EPB41L4B: variants seen among roughly 807,000 people sequenced by gnomAD.
The protein encoded by EPB41L4B is band 4.1-like protein 4B.
A neutral mutation model predicts 112.5 loss-of-function variants in EPB41L4B; 30 were observed. The observed-to-expected ratio is 0.27, with a 90% CI of 0.20 to 0.36. The LOEUF (loss-of-function observed/expected upper bound fraction) is 0.36, where lower values mean the gene tolerates loss of function less well. Ranked by LOEUF, EPB41L4B falls within the 10% of genes least tolerant of loss-of-function variation. EPB41L4B has a pLI of 1.00. For synonymous variants in EPB41L4B, 408 were observed against 439.7 expected (o/e 0.93, Z 0.90); for missense variants, 1,024 against 1,133.3 (o/e 0.90, Z 1.38).
At chr9:109,290,737 A>G (rs1313415351) in intron 1 of EPB41L4B, among the ~76,000 whole-genome samples, 1 of 149,568 alleles carries the variant, frequency 6.7e-6, no homozygotes, top group Non-Finnish European at 1.5e-5. Context: ...ATACACACAC[A>G]CACATACATA....
At chr9:109,203,133 A>T (rs1258928228) in intron 19 of EPB41L4B, among the ~76,000 whole-genome samples, 2 of 152,346 alleles carry the variant, frequency 1.3e-5, no homozygotes, top group East Asian at 3.9e-4. Context: ...CAGCCTGGGC[A>T]ACAGAGGAAG....
At chr9:109,304,404 G>T (rs1017390480) in intron 1 of EPB41L4B, among the ~76,000 whole-genome samples, 3 of 152,104 alleles carry the variant, frequency 2.0e-5, no homozygotes, top group African/African-American at 4.8e-5. Flanking sequence ...AGCTTTAAGC[G>T]CACAATCAAC....
chr9:109,230,460 C>A (rs1833915478), intron 15 of EPB41L4B, among the ~76,000 whole-genome samples: 1 of 152,294 alleles, frequency 6.6e-6, no homozygotes, highest in East Asian at 1.9e-4. Context: ...GGACATTAAG[C>A]ATTCGTATGC....
Position 109,213,787 on chromosome 9 carries a change from A to T in EPB41L4B, c.1665T>A (p.Ser555Arg). 3.1e-6 allele frequency: 5 copies of T among 1,614,180 alleles called. No homozygotes were observed. Among genetic ancestry groups the T allele is most frequent in the Non-Finnish European group, 4.2e-6 (5 of 1,180,020 alleles). ...KLSPGTPALF[S>R]EAAAHLKKLE... ...GCTTCTTTAGATGGGCAGCGGCTTC[A>T]CTGAACAAGGCAGGTGTTCCTGGAC... Residue 555 changes from serine to arginine, a missense_variant, in exon 17 of 26, where the codon AGT becomes AGA. Transcript: ENST00000374566.
At chr9:109,268,269 A>AG in intron 3 of EPB41L4B, 122 bp downstream of exon 3, 1 of 879,136 alleles carries the variant, frequency 1.1e-6, no homozygotes, top group Non-Finnish European at 1.8e-6. Context: ...CATCCACTTA[A>AG]TACCGAATTG....
At chr9:109,266,385 A>AT (rs1186047056) in intron 4 of EPB41L4B, among the ~76,000 whole-genome samples, 1 of 152,024 alleles carries the variant, frequency 6.6e-6, no homozygotes, top group Non-Finnish European at 1.5e-5. Flanking sequence ...CCAAAAAAAA[A>AT]GCCCAGGGGA....
chr9:109,271,452 G>A (rs1282737904), intron 2 of EPB41L4B, among the ~76,000 whole-genome samples: 2 of 152,224 alleles, frequency 1.3e-5, no homozygotes, highest in Admixed American at 1.3e-4. Flanking sequence ...AATGAGAGAT[G>A]ACAAAACCTA....
chr9:109,208,061 C>T lies in EPB41L4B; in HGVS notation c.1753-12G>A. 1 of 1,613,274 alleles carries T rather than the reference C, an allele frequency of 6.2e-7. No individual in the cohort carries two copies. The highest frequency in any genetic ancestry group is 8.5e-7 in the Non-Finnish European group (1 of 1,179,810). On this transcript the variant is annotated splice_polypyrimidine_tract_variant and intron_variant, in intron 17 of 25. Transcript: ENST00000374566. ...TTCTTTTCTTCAGCCTGAGACAAAC[C>T]AAAATACAAACAGCAGATTGTAAAC...
chr9:109,285,416 C>A (rs953206797), intron 1 of EPB41L4B, among the ~76,000 whole-genome samples: 7 of 152,174 alleles, frequency 4.6e-5, no homozygotes, highest in Admixed American at 4.6e-4. Context: ...AGGTGGAAGA[C>A]AGCAGGGGCT....
At chr9:109,211,490 G>A (rs937406156) in intron 17 of EPB41L4B, among the ~76,000 whole-genome samples, 1 of 151,214 alleles carries the variant, frequency 6.6e-6, no homozygotes, top group Non-Finnish European at 1.5e-5. Flanking sequence ...AGCTACTTGG[G>A]AGGCTGAGGC....
In EPB41L4B at chr9:109,261,130, G is replaced by A. The variant is rs184964420; in HGVS notation, c.631+1920C>T. ...CTAAGTGGGTGAGTGGCCGGAGTGCGGAGGCCACGGCCATGTTCTCCAAGC... is the reference window on the plus strand; with the variant it reads ...CTAAGTGGGTGAGTGGCCGGAGTGCAGAGGCCACGGCCATGTTCTCCAAGC... On this transcript the variant is annotated intron_variant, in intron 6 of 25. Coordinates refer to ENST00000374566, the MANE Select transcript of EPB41L4B (RefSeq NM_019114.5). Among the ~76,000 whole-genome samples, 203 of 152,326 alleles carry A rather than the reference G, an allele frequency of 1.3e-3. 1 individual carries two copies. The highest frequency in any genetic ancestry group is 4.6e-3 in the African/African-American group (193 of 41,566).
chr9:109,251,661 T>G, intron 12 of EPB41L4B, 150 bp from the exon 13 acceptor site: 1 of 747,244 alleles, frequency 1.3e-6, no homozygotes. Context: ...TACTTCTCCT[T>G]TCCTCAGGGA....
At chr9:109,319,505 C>T (rs61313083) in intron 1 of EPB41L4B, among the ~76,000 whole-genome samples, 30,954 of 152,202 alleles carry the variant, frequency 0.2, 4,331 homozygotes, top group South Asian at 0.39. Context: ...TCCCAAGTCA[C>T]CCTACCCGCT....
At position 109,208,047 on chromosome 9, in the gene EPB41L4B, A is replaced by G; in HGVS notation, c.1755T>C (p.Ala585=). The stretch of plus-strand genomic sequence containing the variant: ...TTTTCTCCGAGACTTTCTTTTCTTC[A>G]GCCTGAGACAAACCAAAATACAAAC... ...WPPLHININK[A]EEKKVSEKTL... is the part of the protein sequence containing the mutation. Residue 585 remains alanine, a splice_region_variant and synonymous_variant, in exon 18 of 26, where the codon GCT becomes GCC. Transcript: ENST00000374566. 1 of 1,613,936 alleles carries G rather than the reference A, an allele frequency of 6.2e-7. No individual in the cohort carries two copies. Among genetic ancestry groups the G allele is most frequent in the Non-Finnish European group, 8.5e-7 (1 of 1,179,982 alleles).
chr9:109,242,960 T>C (rs1375792523), intron 15 of EPB41L4B, among the ~76,000 whole-genome samples: 1 of 151,354 alleles, frequency 6.6e-6, no homozygotes, highest in Non-Finnish European at 1.5e-5. Flanking sequence ...GGTTGGTAAA[T>C]GGCAGCCCTC....
intron 15 of EPB41L4B, among the ~76,000 whole-genome samples, chr9:109,226,698 ATATATATATGAAGAATATATATATGAAG>A (rs1564279075): frequency 1.5e-4 from 20 of 136,606 alleles, no homozygotes; most frequent in African/African-American, 4.2e-4. Context: ...ATATATATGA[ATATATATATGAAGAATATATATATGAAG>A]TATATATATG....
intron 11 of EPB41L4B, 96 bp from the exon 12 acceptor site, chr9:109,253,646 G>T: frequency 1.3e-6 from 1 of 794,390 alleles, no homozygotes; most frequent in Non-Finnish European, 2.2e-6. Context: ...GAGCTCCAAC[G>T]TACGTTTCAA....
intron 17 of EPB41L4B, among the ~76,000 whole-genome samples, chr9:109,212,059 T>C (rs572716260): frequency 2.0e-5 from 3 of 152,168 alleles, no homozygotes; most frequent in African/African-American, 7.2e-5. Context: ...GAGTTGTAAC[T>C]TGACCTCCAG....
chr9:109,320,990 C>G lies in EPB41L4B; in HGVS notation c.-544G>C, dbSNP rs1176789002. ...TGCGCCCGCAGCCCCCGCCTCCCAC[C>G]TGGGAGGCTGCACCTCCAGCCGCCG... On this transcript the variant is annotated 5_prime_UTR_variant, in exon 1 of 26. Transcript: ENST00000374566. 9 of 178,088 alleles carry G rather than the reference C, an allele frequency of 5.1e-5. No individual in the cohort carries two copies. The South Asian group carries it at 8.4e-4, about 17-fold the overall frequency. The allele number at this position is 178,088 out of a possible 1,614,324, so 11.0% of individuals were successfully genotyped here.
Sources: gnomAD v4.1 joint callset for allele counts (sites outside exome capture counted in the v4.1 genomes callset) on GRCh38, gnomAD v4.1.1 for gene constraint, MANE v1.5 for transcripts, NCBI Gene and HGNC (gene_info 2026-07-23, HGNC 2026-07-21) for gene names.